The following GGTA1 variants were observed in gnomAD, a reference collection of about 807,000 sequenced individuals.
The protein encoded by GGTA1 is glycoprotein alpha-galactosyltransferase 1 (inactive).
Under a neutral mutation model 2.6 loss-of-function variants are expected in GGTA1, and 5 were observed. That is an observed-to-expected ratio of 1.92 (90% confidence interval 1.00 to 4.04). The LOEUF (loss-of-function observed/expected upper bound fraction) is 4.04, where lower values mean the gene tolerates loss of function less well. GGTA1 is among the 30% of genes most tolerant of loss of function. GGTA1 has a pLI of 0.00. For missense variants in GGTA1, 50 were observed against 16.7 expected, an observed-to-expected ratio of 2.99 and a Z score of -3.47; for synonymous variants, 17 against 5.0, an observed-to-expected ratio of 3.38 and a Z score of -3.19.
chr9:121,462,759 A>G (rs911998806), intron 3 of GGTA1: 1 of 152,260 alleles, frequency 6.6e-6, no homozygotes, highest in African/African-American at 2.4e-5. Flanking sequence ...TATATCAGAA[A>G]TGAAGGCTGG....
chr9:121,466,747 G>A (rs2065007438), intron 2 of GGTA1, among the ~76,000 whole-genome samples: 1 of 152,112 alleles, frequency 6.6e-6, no homozygotes, highest in Admixed American at 6.6e-5. Context: ...GAGGTCAGGA[G>A]TTCAAGACCA....
At chr9:121,485,997 T>C (rs1828747620) in intron 1 of GGTA1, among the ~76,000 whole-genome samples, 1 of 152,202 alleles carries the variant, frequency 6.6e-6, no homozygotes, top group Non-Finnish European at 1.5e-5. Flanking sequence ...GATAGATTCT[T>C]GCATTCTCTA....
intron 1 of GGTA1, among the ~76,000 whole-genome samples, chr9:121,475,576 T>G (rs1051313050): frequency 1.3e-5 from 2 of 152,154 alleles, no homozygotes; most frequent in African/African-American, 4.8e-5. Flanking sequence ...TCTGAGGCAC[T>G]CCAGTTCTGC....
chr9:121,499,425 G>T (rs971978134), intron 1 of GGTA1, among the ~76,000 whole-genome samples: 1 of 152,178 alleles, frequency 6.6e-6, no homozygotes, highest in African/African-American at 2.4e-5. Context: ...CTGGACAGAG[G>T]GAGGGACGGC....
chr9:121,488,201 C>T (rs566682856), intron 1 of GGTA1, among the ~76,000 whole-genome samples: 6 of 151,974 alleles, frequency 3.9e-5, no homozygotes, highest in African/African-American at 1.4e-4. Context: ...AGTGCAGTGG[C>T]TATTCAGACA....
At chr9:121,490,855 T>C (rs1170940358) in intron 1 of GGTA1, among the ~76,000 whole-genome samples, 2 of 152,204 alleles carry the variant, frequency 1.3e-5, no homozygotes, top group Non-Finnish European at 2.9e-5. Flanking sequence ...CATACAACCG[T>C]GACCTCTGGC....
At chr9:121,464,524 A>C (rs1040524284) in intron 2 of GGTA1, among the ~76,000 whole-genome samples, 12 of 152,032 alleles carry the variant, frequency 7.9e-5, no homozygotes, top group African/African-American at 2.9e-4. Context: ...ACGGGGTTTC[A>C]CCACGTTGGT....
At chr9:121,491,066 A>G (rs1031727760) in intron 1 of GGTA1, among the ~76,000 whole-genome samples, 1 of 152,168 alleles carries the variant, frequency 6.6e-6, no homozygotes, top group African/African-American at 2.4e-5. Context: ...CCAATATCAG[A>G]CAGAGTTTGC....
At chr9:121,460,473 A>G (rs1433547499) in intron 4 of GGTA1, among the ~76,000 whole-genome samples, 5 of 152,324 alleles carry the variant, frequency 3.3e-5, no homozygotes, top group African/African-American at 9.6e-5. Context: ...CCCTCAGGTT[A>G]TTTCAGGGGG....
chr9:121,480,298 C>T (rs137875556), intron 1 of GGTA1, among the ~76,000 whole-genome samples: 12,177 of 152,086 alleles, frequency 0.08, 540 homozygotes, highest in Middle Eastern at 0.1. Context: ...CCTCGTGATC[C>T]GCCCGCCTCA....
chr9:121,462,107 T>C (rs981944983), intron 3 of GGTA1, among the ~76,000 whole-genome samples: 2 of 152,220 alleles, frequency 1.3e-5, no homozygotes, highest in Non-Finnish European at 2.9e-5. Context: ...GCTGGTCACC[T>C]GAGGTCAGGC....
intron 1 of GGTA1, among the ~76,000 whole-genome samples, chr9:121,496,735 A>AG (rs1191930084): frequency 1.6e-5 from 2 of 124,350 alleles, no homozygotes; most frequent in Non-Finnish European, 3.6e-5. Context: ...CCATCTCAAA[A>AG]AAAAAAAAAA....
intron 1 of GGTA1, among the ~76,000 whole-genome samples, chr9:121,471,594 G>C (rs144977904): frequency 1.3e-5 from 2 of 152,170 alleles, no homozygotes; most frequent in African/African-American, 4.8e-5. Context: ...TTCAGAAAGT[G>C]AGCTCTGTTT....
intron 5 of GGTA1, among the ~76,000 whole-genome samples, chr9:121,457,094 T>C (rs1454894543): frequency 6.6e-6 from 1 of 152,048 alleles, no homozygotes; most frequent in African/African-American, 2.4e-5. Flanking sequence ...GAGAAGGGGA[T>C]GAAGTAGAAA....
chr9:121,487,959 G>A (rs1298588904), intron 1 of GGTA1, among the ~76,000 whole-genome samples: 2 of 152,004 alleles, frequency 1.3e-5, no homozygotes, highest in African/African-American at 2.4e-5. Flanking sequence ...CAGATGATCC[G>A]CCTGCCTCAG....
At chr9:121,469,729 G>T (rs1454528173) in intron 1 of GGTA1, among the ~76,000 whole-genome samples, 1 of 152,174 alleles carries the variant, frequency 6.6e-6, no homozygotes, top group Admixed American at 6.5e-5. Flanking sequence ...AGTTCTTAGA[G>T]ATAGCCAGGG....
intron 4 of GGTA1, among the ~76,000 whole-genome samples, chr9:121,460,661 G>A (rs1475696627): frequency 3.3e-5 from 5 of 151,990 alleles, no homozygotes; most frequent in South Asian, 4.1e-4. Context: ...CCTGGCCAAC[G>A]TGGTGAAACC....
intron 5 of GGTA1, among the ~76,000 whole-genome samples, chr9:121,458,754 G>A (rs2064935405): frequency 6.6e-6 from 1 of 152,088 alleles, no homozygotes; most frequent in African/African-American, 2.4e-5. Flanking sequence ...GAGGGTGAAA[G>A]CTGGTGACTA....
chr9:121,460,403 G>T (rs1009529606), intron 4 of GGTA1, among the ~76,000 whole-genome samples, 184 bp from the exon 5 acceptor site: 53 of 152,324 alleles, frequency 3.5e-4, no homozygotes, highest in African/African-American at 1.3e-3. Flanking sequence ...ATGAAAAGAT[G>T]CAGTACTCAA....
Sources: allele counts gnomAD v4.1 joint callset (sites outside exome capture counted in the v4.1 genomes callset), GRCh38; gene constraint gnomAD v4.1.1; transcripts MANE v1.5; gene names NCBI Gene and HGNC (gene_info 2026-07-23, HGNC 2026-07-21).